GNAS: variants seen among roughly 807,000 people sequenced by gnomAD.
The protein encoded by GNAS is GNAS complex locus, also known as protein ALEX.
Under a neutral mutation model 54.5 loss-of-function variants are expected in GNAS, and 8 were observed. That is an observed-to-expected ratio of 0.15 (90% CI 0.09 to 0.26). GNAS has a LOEUF of 0.26. GNAS is among the 10% of genes least tolerant of loss of function. GNAS has a pLI of 1.00. For missense variants in GNAS, 170 were observed against 529.8 expected, an observed-to-expected ratio of 0.32 and a Z score of 6.67; for synonymous variants, 204 against 191.4, an observed-to-expected ratio of 1.07 and a Z score of -0.54.
At chr20:58,907,164 A>G (rs931765738) in intron 6 of GNAS, among the ~76,000 whole-genome samples, 5 of 152,208 alleles carry the variant, frequency 3.3e-5, no homozygotes, top group African/African-American at 1.2e-4. Context: ...AAATCATATA[A>G]GCCTCTGTTA....
intron 4 of GNAS, 40 bp from the exon 5 acceptor site, chr20:58,903,632 C>T (rs779067160): frequency 6.8e-6 from 11 of 1,613,990 alleles, no homozygotes; most frequent in Middle Eastern, 1.6e-4. Flanking sequence ...GCCCTCCCAG[C>T]CAGTGCTGTT....
Position 58,910,655 on chromosome 20 carries a change from T to C in GNAS, c.1039-28T>C, listed in dbSNP as rs768175125. 2 of 1,613,850 alleles carry C rather than the reference T, an allele frequency of 1.2e-6. No individual in the cohort carries two copies. Among genetic ancestry groups the C allele is most frequent in the Non-Finnish European group, 1.7e-6 (2 of 1,179,760 alleles). On this transcript the variant is annotated intron_variant, in intron 12 of 12. Coordinates refer to ENST00000371085, the MANE Select transcript of GNAS (RefSeq NM_000516.7). The surrounding 1 kb of genome is among the most constrained non-coding windows in gnomAD (Gnocchi z 5.8). ...GGGTGGTTCCTGGCGAGGGTGTCACTGACAAGTCCCCTTGTTTGTGCCCGC... is the reference window on the plus strand; with the variant it reads ...GGGTGGTTCCTGGCGAGGGTGTCACCGACAAGTCCCCTTGTTTGTGCCCGC...
intron 1 of GNAS, among the ~76,000 whole-genome samples, chr20:58,851,976 GA>G (rs1318908232): frequency 3.3e-5 from 5 of 152,078 alleles, no homozygotes. Context: ...GTCCAGTCTC[GA>G]AACCACCCTA....
At chr20:58,889,008 A>G, upstream of GNAS, 1 of 953,828 alleles carries the variant, frequency 1.0e-6, no homozygotes. Context: ...CGGTCCCGGC[A>G]CCGGCCTGCA....
rs1266901793 is a variant in GNAS at position 58,896,212 on chromosome 20, G to C, written c.212+528G>C. Among the ~76,000 whole-genome samples, 6 of 136,942 alleles carry C rather than the reference G, an allele frequency of 4.4e-5. No homozygotes were observed. The South Asian group carries it at 7.9e-4, about 18-fold the overall frequency. 89.8% of individuals were successfully genotyped at this position (136,942 alleles called of 152,430 possible). A position where few individuals can be genotyped will look rare whatever the true frequency, so the allele number is the denominator to read the frequency against. Reference sequence around the variant, plus strand: ...GAAACAGATGTGGAAGTGGCAGCCCGTGTTTACAGTTTCTCATTTTTTTTG... The same window carrying C: ...GAAACAGATGTGGAAGTGGCAGCCCCTGTTTACAGTTTCTCATTTTTTTTG... On this transcript the variant is annotated intron_variant, in intron 2 of 12. Coordinates refer to ENST00000371085, the MANE Select transcript of GNAS (RefSeq NM_000516.7).
In GNAS at chr20:58,840,938, G is replaced by T. The variant is rs1432544188; in HGVS notation, c.43+52G>T. On this transcript the variant is annotated intron_variant, in intron 1 of 12. Transcript: ENST00000306090. This position sits in a 1 kb window ranked among gnomAD's most constrained non-coding sequence, Gnocchi z 6.0. ...AGCCTGAGGGCGGTGTGGGAGCAGC[G>T]CAGGTGGAAAGGAGGTGAGAAGGAA... is the stretch of plus-strand genomic sequence containing the variant. 1 of 1,594,242 alleles carries T rather than the reference G, an allele frequency of 6.3e-7. No individual in the cohort carries two copies. The highest frequency in any genetic ancestry group is 1.3e-5 in the African/African-American group (1 of 74,498).
Position 58,853,470 on chromosome 20 carries a change from G to A in GNAS, c.43+12584G>A. On this transcript the variant is annotated intron_variant, in intron 1 of 12. Coordinates refer to the GNAS transcript ENST00000306090. This position sits in a 1 kb window ranked among gnomAD's most constrained non-coding sequence, Gnocchi z 4.4. The stretch of plus-strand genomic sequence containing the variant: ...CGTCGAGAATGATGGCGAGGCCTGT[G>A]GACCCCCAGAGGTCTCCAGACCCAA... 6.2e-7 allele frequency: 1 copy of A among 1,612,684 alleles called. No individual in the cohort carries two copies.
In GNAS at chr20:58,841,875, G is replaced by C; in HGVS notation, c.43+989G>C. 8.1e-7 allele frequency: 1 copy of C among 1,231,408 alleles called. No homozygotes were observed. Among genetic ancestry groups the C allele is most frequent in the Non-Finnish European group, 1.0e-6 (1 of 988,014 alleles). The allele number at this position is 1,231,408 out of a possible 1,614,324, so 76.3% of individuals were successfully genotyped here. On this transcript the variant is annotated intron_variant, in intron 1 of 12. Transcript: ENST00000306090. This position sits in a 1 kb window ranked among gnomAD's most constrained non-coding sequence, Gnocchi z 5.0. The stretch of plus-strand genomic sequence containing the variant: ...CCCTCGAGATCGTCGCAAGTGGAAA[G>C]GTAAAGCGGAACAAGGGACAGGCTG...
At chr20:58,843,490 C>A in intron 1 of GNAS, 1 of 152,402 alleles carries the variant, frequency 6.6e-6, no homozygotes. Flanking sequence ...CCCTTTGCCC[C>A]ACCCTGCTCA....
chr20:58,840,612 G>A (rs768082058), upstream of GNAS: 74 of 1,608,832 alleles, frequency 4.6e-5, no homozygotes, highest in Admixed American at 1.0e-4. This position sits in a 1 kb window ranked among gnomAD's most constrained non-coding sequence, Gnocchi z 6.0. Context: ...CTCAAGTTGC[G>A]AAGCCCCGAC....
Position 58,905,312 on chromosome 20 carries a change from G to T in GNAS, c.433-71G>T, listed in dbSNP as rs3730169. ...TCACATAGGGAACTCTGGTCTCAGG[G>T]TTTGAATGACAGTGTTGTTGATTAG... On this transcript the variant is annotated intron_variant, in intron 5 of 12. Transcript: ENST00000371085. The T allele has an allele frequency of 5.3e-3, 4,785 of 899,230 alleles. 139 individuals carry two copies. In the African/African-American group the frequency reaches 0.063, roughly 12 times the overall value. 55.7% of individuals were successfully genotyped at this position (899,230 alleles called of 1,614,324 possible). A position where few individuals can be genotyped will look rare whatever the true frequency, so the allele number is the denominator to read the frequency against.
At chr20:58,892,166 TTTCTCTC>T in intron 1 of GNAS, 1 of 959,706 alleles carries the variant, frequency 1.0e-6, no homozygotes, top group Non-Finnish European at 1.2e-6. Flanking sequence ...TCTTTCTCTC[TTTCTCTC>T]TTTTTCCGCG....
intron 1 of GNAS, chr20:58,855,243 C>G (rs751987537): frequency 6.3e-7 from 1 of 1,591,404 alleles, no homozygotes; most frequent in African/African-American, 1.3e-5. Flanking sequence ...GGCCCAGAAG[C>G]GCGCAGAGAA....
chr20:58,840,271 C>A, upstream of GNAS: 2 of 1,612,000 alleles, frequency 1.2e-6, no homozygotes, highest in Non-Finnish European at 1.7e-6. This position sits in a 1 kb window ranked among gnomAD's most constrained non-coding sequence, Gnocchi z 6.0. Flanking sequence ...CCCAGCAGCG[C>A]GCGGCTGCCC....
chr20:58,896,009 CCA>C (rs2090013793), intron 2 of GNAS, among the ~76,000 whole-genome samples: 4 of 152,322 alleles, frequency 2.6e-5, no homozygotes, highest in South Asian at 4.1e-4. Context: ...CAGGTCCCTG[CCA>C]CAGTCTTCGG....
At chr20:58,850,896 G>C (rs981279708) in intron 1 of GNAS, 1 of 398,580 alleles carries the variant, frequency 2.5e-6, no homozygotes, top group Non-Finnish European at 4.4e-6. Flanking sequence ...CCAACGCGGC[G>C]CCCCCTATTG....
At position 58,841,813 on chromosome 20, in the gene GNAS, G is replaced by A. The variant is rs1360385104; in HGVS notation, c.43+927G>A. On this transcript the variant is annotated intron_variant, in intron 1 of 12. Transcript: ENST00000306090. This position sits in a 1 kb window ranked among gnomAD's most constrained non-coding sequence, Gnocchi z 5.0. ...GGCCAGGCTGCATGCGGCTTAGCAGGAGACGTCCTGGGCTGTTTGCGCAGG... is the reference window on the plus strand; with the variant it reads ...GGCCAGGCTGCATGCGGCTTAGCAGAAGACGTCCTGGGCTGTTTGCGCAGG... The A allele has an allele frequency of 4.1e-6, 5 of 1,230,810 alleles. No individual in the cohort carries two copies. The African/African-American group carries it at 6.2e-5, about 15-fold the overall frequency. 76.2% of individuals were successfully genotyped at this position (1,230,810 alleles called of 1,614,324 possible).
chr20:58,870,592 T>C (rs997694445), intron 1 of GNAS, among the ~76,000 whole-genome samples: 117 of 152,224 alleles, frequency 7.7e-4, no homozygotes, highest in Non-Finnish European at 1.2e-4. Flanking sequence ...TGGTTGGGGC[T>C]CTCATCCTGT....
At chr20:58,877,243 G>T (rs2087885976) in intron 1 of GNAS, among the ~76,000 whole-genome samples, 1 of 152,042 alleles carries the variant, frequency 6.6e-6, no homozygotes, top group African/African-American at 2.4e-5. Context: ...AGAGTGCAAA[G>T]CGGCTGTCAC....
Sources: gnomAD v4.1 joint callset for allele counts (sites outside exome capture counted in the v4.1 genomes callset) on GRCh38, gnomAD v4.1.1 for gene constraint, Gnocchi (gnomAD v3.1) non-coding constraint, MANE v1.5 for transcripts, NCBI Gene and HGNC (gene_info 2026-07-23, HGNC 2026-07-21) for gene names.